HUWE1: variants seen among roughly 807,000 people sequenced by gnomAD.
HUWE1 encodes HECT, UBA and WWE domain containing E3 ubiquitin protein ligase 1.
A neutral mutation model predicts 299.4 loss-of-function variants in HUWE1; 18 were observed. That is an observed-to-expected ratio of 0.06 (90% confidence interval 0.04 to 0.09). The LOEUF (loss-of-function observed/expected upper bound fraction) is 0.09. Ranked by LOEUF, HUWE1 falls within the 10% of genes least tolerant of loss-of-function variation. The pLI is 1.00. For synonymous variants in HUWE1, 1,317 were observed against 1,286.1 expected (o/e 1.02, Z -0.51); for missense variants, 1,832 against 3,462.3 (o/e 0.53, Z 11.82).
chrX:53,640,203 A>T (rs2067489746), intron 7 of HUWE1, among the ~76,000 whole-genome samples: 1 of 111,761 alleles, frequency 8.9e-6, no homozygotes, highest in African/African-American at 3.3e-5. Flanking sequence ...TACAAAAAAT[A>T]TAAAAAATTA....
intron 2 of HUWE1, among the ~76,000 whole-genome samples, chrX:53,683,287 G>A (rs374657857): frequency 2.7e-5 from 3 of 111,040 alleles, no homozygotes; most frequent in African/African-American, 6.6e-5. Flanking sequence ...GTGGGGAGAG[G>A]AGGAGGAGTA....
At chrX:53,630,188 A>G (rs2066778013) in intron 12 of HUWE1, among the ~76,000 whole-genome samples, 1 of 112,315 alleles carries the variant, frequency 8.9e-6, no homozygotes, top group African/African-American at 3.2e-5. Context: ...CTGAGCACCC[A>G]CTAACATGCC....
At chrX:53,542,868 TG>T (rs2061405653) in intron 73 of HUWE1, 1 of 190,442 alleles carries the variant, frequency 5.3e-6, no homozygotes, top group Admixed American at 8.3e-5. Context: ...TGTGTGTGTG[TG>T]TGTGTGTGTG....
intron 12 of HUWE1, among the ~76,000 whole-genome samples, chrX:53,630,515 C>G: frequency 9.0e-6 from 1 of 110,978 alleles, no homozygotes; most frequent in East Asian, 2.8e-4. Flanking sequence ...TTCCATTTTA[C>G]TGTGCCACAG....
chrX:53,552,938 G>A (rs1187312609), intron 61 of HUWE1, 45 bp from the exon 62 acceptor site: 6 of 1,195,098 alleles, frequency 5.0e-6, no homozygotes, highest in Admixed American at 2.2e-5. Flanking sequence ...ATCTGGAACC[G>A]GGGCAAAATG....
intron 3 of HUWE1, among the ~76,000 whole-genome samples, chrX:53,664,675 ATACTT>A (rs2069163470): frequency 8.9e-6 from 1 of 112,212 alleles, no homozygotes; most frequent in South Asian, 3.7e-4. Flanking sequence ...ACAAAGCAAA[ATACTT>A]TATTTTTTGC....
intron 32 of HUWE1, 85 bp downstream of exon 32, chrX:53,593,279 T>A: frequency 1.4e-6 from 1 of 693,691 alleles, no homozygotes; most frequent in East Asian, 3.2e-5. Context: ...TAAATAAGCA[T>A]GTTATTTCAT....
chrX:53,569,706 C>G lies in HUWE1; in HGVS notation c.6434G>C (p.Gly2145Ala), dbSNP rs782798789. 30 of 1,210,583 alleles carry G rather than the reference C, an allele frequency of 2.5e-5. No homozygotes were observed. The highest frequency in any genetic ancestry group is 3.2e-5 in the Non-Finnish European group (29 of 895,260). ...CACTAGGGCCACCTGGGCATCTGTG[C>G]CACTCCCTGCAGCAGCCAGGCTTGC... ...FLASLAAAGS[G>A]TDAQVALVNE... Residue 2145 changes from glycine (G) to alanine (A), a missense_variant, in exon 48 of 84, where the codon GGC (glycine) becomes GCC (alanine). Physicochemically the swap from Gly to Ala is moderately conservative, Grantham distance 60. This residue lies in a region of HUWE1 where 157 missense variants were observed against 252.3 expected (regional missense o/e 0.62). Coordinates refer to ENST00000262854, the MANE Select transcript of HUWE1 (RefSeq NM_031407.7).
intron 47 of HUWE1, among the ~76,000 whole-genome samples, chrX:53,572,877 ACTC>A (rs1382756574): frequency 2.7e-5 from 3 of 109,585 alleles, no homozygotes; most frequent in Admixed American, 9.7e-5. Context: ...ACTTCTCAAA[ACTC>A]CTCATTTTCT....
chrX:53,554,255 G>A, intron 61 of HUWE1, among the ~76,000 whole-genome samples: 1 of 110,458 alleles, frequency 9.1e-6, no homozygotes, highest in Non-Finnish European at 1.9e-5. Context: ...TAGAGATGGG[G>A]TCTATGTTGC....
At chrX:53,577,449 CGTTTT>C (rs1314440423) in intron 43 of HUWE1, among the ~76,000 whole-genome samples, 1 of 95,590 alleles carries the variant, frequency 1.0e-5, no homozygotes, top group Admixed American at 1.1e-4. Context: ...CCCTTCCCAA[CGTTTT>C]ATTAAAAAAA....
In HUWE1 at chrX:53,549,391, A is replaced by G. The variant is rs1219910183; in HGVS notation, c.9603T>C (p.Asn3201=). ...VLLFVDEPKL[N]TSRLHRVLRN... ...TCAGTACTCGGTGTAGACGGCTAGT[A>G]TTGAGCTTTGGCTCATCCACAAAAA... is the stretch of plus-strand genomic sequence containing the variant. The change falls in exon 67 of 84, where the codon AAT becomes AAC. Residue 3201 remains asparagine (N), a synonymous_variant. Coordinates refer to ENST00000262854, the MANE Select transcript of HUWE1 (RefSeq NM_031407.7). 1.1e-5 allele frequency: 13 copies of G among 1,209,553 alleles called. No individual in the cohort carries two copies. Among genetic ancestry groups the G allele is most frequent in the Non-Finnish European group, 1.5e-5 (13 of 894,994 alleles).
At position 53,627,448 on chromosome X, in the gene HUWE1, G is replaced by T; in HGVS notation, c.1451C>A (p.Thr484Asn). 1 of 1,195,883 alleles carries T rather than the reference G, an allele frequency of 8.4e-7. No homozygotes were observed. Among genetic ancestry groups the T allele is most frequent in the Non-Finnish European group, 1.1e-6 (1 of 882,076 alleles). Reference protein sequence around the residue: ...VIKPKIQRPNTTQEGEEMETD... With the variant: ...VIKPKIQRPNNTQEGEEMETD... ...TTCCATTTCCTCTCCTTCTTGTGTA[G>T]TATTGGGTCTCTGGATCTTTGGCTT... Residue 484 changes from threonine to asparagine, a missense_variant, in exon 17 of 84, where the codon ACT becomes AAT. Transcript: ENST00000262854.
intron 7 of HUWE1, among the ~76,000 whole-genome samples, chrX:53,643,334 G>C (rs1279944728): frequency 9.0e-6 from 1 of 110,723 alleles, no homozygotes; most frequent in African/African-American, 3.3e-5. Flanking sequence ...CTGTGAATGG[G>C]GTCTTTTCAC....
chrX:53,550,898 T>A lies in HUWE1; in HGVS notation c.9385+3A>T. Reference sequence around the variant, plus strand: ...GAGCCCTCCCACTTGCCTCCCTCTGTACCCGGGCTTCGGAGAATAGCAGAG... The same window carrying A: ...GAGCCCTCCCACTTGCCTCCCTCTGAACCCGGGCTTCGGAGAATAGCAGAG... On this transcript the variant is annotated splice_donor_region_variant and intron_variant, in intron 65 of 83. Transcript: ENST00000262854. The A allele has an allele frequency of 8.3e-7, 1 of 1,211,576 alleles. No individual in the cohort carries two copies.
At chrX:53,646,923 A>C (rs2068092786) in intron 6 of HUWE1, among the ~76,000 whole-genome samples, 1 of 111,972 alleles carries the variant, frequency 8.9e-6, no homozygotes, top group African/African-American at 3.2e-5. Context: ...GATGCTATGA[A>C]TATATATTTT....
At chrX:53,583,992 A>C in intron 41 of HUWE1, 76 bp from the exon 42 acceptor site, 6 of 906,016 alleles carry the variant, frequency 6.6e-6, no homozygotes, top group African/African-American at 1.9e-5. Flanking sequence ...CTCCTAAGTA[A>C]TTGGCCAAGC....
intron 68 of HUWE1, among the ~76,000 whole-genome samples, chrX:53,547,148 C>T (rs918937804): frequency 3.7e-4 from 41 of 112,123 alleles, no homozygotes; most frequent in African/African-American, 1.3e-3. Context: ...CAACTATTCC[C>T]CCACCATCAT....
chrX:53,549,025 G>A lies in HUWE1; in HGVS notation c.9969C>T (p.His3323=). 1 of 1,209,552 alleles carries A rather than the reference G, an allele frequency of 8.3e-7. No individual in the cohort carries two copies. Among genetic ancestry groups the A allele is most frequent in the Non-Finnish European group, 1.1e-6 (1 of 894,441 alleles). The change falls in exon 67 of 84, where the codon CAC becomes CAT. Residue 3323 remains histidine (H), a synonymous_variant. Transcript: ENST00000262854. ...EKHASGGSTV[H]IHPQAAPVVC... ...CAACAGGAGCAGCTTGGGGATGGATGTGGACGGTGGAGCCACCGCTTGCAT... is the reference window on the plus strand; with the variant it reads ...CAACAGGAGCAGCTTGGGGATGGATATGGACGGTGGAGCCACCGCTTGCAT...
Sources: allele counts gnomAD v4.1 joint callset (sites outside exome capture counted in the v4.1 genomes callset), GRCh38; gene constraint gnomAD v4.1.1; regional missense constraint gnomAD v4.1.1; transcripts MANE v1.5; gene names NCBI Gene and HGNC (gene_info 2026-07-23, HGNC 2026-07-21).